The following DLGAP1 variants were observed in gnomAD, a reference collection of about 807,000 sequenced individuals.
DLGAP1 encodes DLG associated protein 1.
Under a neutral mutation model 90.8 loss-of-function variants are expected in DLGAP1, and 11 were observed. The observed-to-expected ratio is 0.12, with a 90% CI of 0.08 to 0.20. The LOEUF is 0.20. Among genes scored for constraint, DLGAP1 ranks in the 10% least tolerant of loss-of-function variants. The pLI is 1.00. For synonymous variants in DLGAP1, 558 were observed against 540.7 expected (o/e 1.03, Z -0.44); for missense variants, 1,050 against 1,333.8 (o/e 0.79, Z 3.31).
rs1004441485 is a variant in DLGAP1, at chr18:3,879,691, C to G, written c.378G>C (p.Thr126=). The G allele has an allele frequency of 1.2e-6, 2 of 1,607,658 alleles. No individual in the cohort carries two copies. Among genetic ancestry groups the G allele is most frequent in the African/African-American group, 1.3e-5 (1 of 74,932 alleles). ...GGCTGTCGCTGCGGTGCTCCACGGCCGTGCGCTTGTACTGCAGGGTGTGAT... is the reference window on the plus strand; with the variant it reads ...GGCTGTCGCTGCGGTGCTCCACGGCGGTGCGCTTGTACTGCAGGGTGTGAT... ...DGYHTLQYKR[T]AVEHRSDSPG... The change falls in exon 4 of 13, where the codon ACG becomes ACC. Residue 126 remains threonine (T), a synonymous_variant. Coordinates refer to ENST00000315677, the MANE Select transcript of DLGAP1 (RefSeq NM_004746.4). This position sits in a 1 kb window ranked among gnomAD's most constrained non-coding sequence, Gnocchi z 6.6.
chr18:4,353,039 A>G (rs1055932166), intron 1 of DLGAP1, among the ~76,000 whole-genome samples: 2 of 152,198 alleles, frequency 1.3e-5, no homozygotes. Context: ...CATCTGCAAG[A>G]AAGCCCGCAT....
At chr18:3,804,365 A>C (rs1338421962) in intron 5 of DLGAP1, among the ~76,000 whole-genome samples, 1 of 152,244 alleles carries the variant, frequency 6.6e-6, no homozygotes, top group East Asian at 1.9e-4. Flanking sequence ...GGACTAGTTA[A>C]TGCTGGTGCT....
chr18:3,694,042 C>G (rs201982240), intron 7 of DLGAP1, among the ~76,000 whole-genome samples: 3 of 148,710 alleles, frequency 2.0e-5, no homozygotes, highest in Admixed American at 6.7e-5. Context: ...CCACCCCCCC[C>G]TCAGCCCCCA....
At chr18:3,563,278 T>C (rs1274233248) in intron 9 of DLGAP1, among the ~76,000 whole-genome samples, 1 of 152,144 alleles carries the variant, frequency 6.6e-6, no homozygotes, top group African/African-American at 2.4e-5. Context: ...TTTATCTTGT[T>C]TGGTATTCTC....
chr18:3,540,204 C>T (rs189261819), intron 9 of DLGAP1, among the ~76,000 whole-genome samples: 32 of 152,108 alleles, frequency 2.1e-4, no homozygotes, highest in Middle Eastern at 3.4e-3. Context: ...CAGTGGCTCA[C>T]GTCTGTAGTC....
At chr18:4,280,354 A>T (rs781725862) in intron 1 of DLGAP1, among the ~76,000 whole-genome samples, 5 of 152,234 alleles carry the variant, frequency 3.3e-5, no homozygotes, top group Non-Finnish European at 7.3e-5. Flanking sequence ...TGAACATAAC[A>T]AATAAAATAA....
At chr18:3,779,124 CCTT>C (rs1319757783) in intron 5 of DLGAP1, among the ~76,000 whole-genome samples, 1 of 152,232 alleles carries the variant, frequency 6.6e-6, no homozygotes, top group Non-Finnish European at 1.5e-5. Context: ...TGTCCTCCCT[CCTT>C]CTGTCCCGAT....
intron 4 of DLGAP1, among the ~76,000 whole-genome samples, chr18:3,815,317 A>G (rs1323712307): frequency 6.6e-6 from 1 of 152,120 alleles, no homozygotes; most frequent in Non-Finnish European, 1.5e-5. Context: ...GCTTCCTTAG[A>G]TCTGCTTAAA....
chr18:4,089,810 C>A (rs889944527), intron 2 of DLGAP1, among the ~76,000 whole-genome samples: 53 of 152,292 alleles, frequency 3.5e-4, no homozygotes, highest in African/African-American at 1.3e-3. Flanking sequence ...CTTTGGGAGG[C>A]CGAGGCGGGC....
chr18:3,804,293 T>C (rs1036656810), intron 5 of DLGAP1, among the ~76,000 whole-genome samples: 1 of 152,110 alleles, frequency 6.6e-6, no homozygotes, highest in African/African-American at 2.4e-5. Flanking sequence ...CCACAGATAA[T>C]TTTTAAAGAA....
chr18:4,235,418 A>C (rs1278826933), intron 1 of DLGAP1, among the ~76,000 whole-genome samples: 4 of 152,154 alleles, frequency 2.6e-5, no homozygotes, highest in African/African-American at 4.8e-5. Context: ...CATATGAACC[A>C]CTTGGGAATT....
intron 7 of DLGAP1, among the ~76,000 whole-genome samples, chr18:3,590,556 A>G (rs1342006784): frequency 6.6e-6 from 1 of 152,102 alleles, no homozygotes; most frequent in Non-Finnish European, 1.5e-5. Flanking sequence ...GACACATGCT[A>G]TGAAAATTGA....
chr18:3,771,765 C>T (rs567296751), intron 5 of DLGAP1, among the ~76,000 whole-genome samples: 51 of 152,006 alleles, frequency 3.4e-4, no homozygotes, highest in Admixed American at 7.9e-4. Flanking sequence ...CAGAGCAGCT[C>T]TGGGTCTAAC....
At chr18:3,906,683 G>T (rs1261229142) in intron 3 of DLGAP1, among the ~76,000 whole-genome samples, 2 of 152,202 alleles carry the variant, frequency 1.3e-5, no homozygotes, top group Non-Finnish European at 2.9e-5. Flanking sequence ...AGCTGTTAAG[G>T]TTGCTGCCAA....
rs1225686125 is a variant in DLGAP1, at chr18:4,430,494, T to TTGTGTGTGTG, written c.-267+24511_-267+24512insCACACACACA. 31 of 73,350 alleles carry TTGTGTGTGTG rather than the reference T, an allele frequency of 4.2e-4. No homozygotes were observed. The South Asian group carries it at 0.013, about 31-fold the overall frequency. 4.5% of individuals were successfully genotyped at this position (73,350 alleles called of 1,614,324 possible). On this transcript the variant is annotated intron_variant, in intron 1 of 12. Coordinates refer to ENST00000315677, the MANE Select transcript of DLGAP1 (RefSeq NM_004746.4). ...CTTAGGTCTTTTCTGGTAAATAGTC[T>TTGTGTGTGTG]TGTGTGTCTGTGTGTGTGTGTGTGT... is the stretch of plus-strand genomic sequence containing the variant.
intron 6 of DLGAP1, among the ~76,000 whole-genome samples, chr18:3,740,366 T>C (rs551687945): frequency 1.3e-5 from 2 of 152,266 alleles, no homozygotes; most frequent in African/African-American, 2.4e-5. Context: ...ATGTATATCA[T>C]TGGACAAGCA....
At chr18:3,507,823 G>A (rs2050327270) in intron 11 of DLGAP1, among the ~76,000 whole-genome samples, 1 of 121,908 alleles carries the variant, frequency 8.2e-6, no homozygotes, top group Non-Finnish European at 1.6e-5. Context: ...TGCAACCTCC[G>A]CCTCCTGGGT....
chr18:4,354,572 C>A (rs936635902), intron 1 of DLGAP1, among the ~76,000 whole-genome samples: 2 of 152,094 alleles, frequency 1.3e-5, no homozygotes, highest in Admixed American at 1.3e-4. Context: ...TCACGCAAAC[C>A]TTTGATTAAA....
At chr18:3,769,324 G>A (rs1446317865) in intron 5 of DLGAP1, among the ~76,000 whole-genome samples, 2 of 152,172 alleles carry the variant, frequency 1.3e-5, no homozygotes, top group African/African-American at 2.4e-5. Flanking sequence ...CAACCACTCT[G>A]TAAAACAGTT....
Sources: gnomAD v4.1 joint callset for allele counts (sites outside exome capture counted in the v4.1 genomes callset) on GRCh38, gnomAD v4.1.1 for gene constraint, Gnocchi (gnomAD v3.1) non-coding constraint, MANE v1.5 for transcripts, NCBI Gene and HGNC (gene_info 2026-07-23, HGNC 2026-07-21) for gene names.